MKRN2: variants seen among roughly 807,000 people sequenced by gnomAD.
MKRN2 encodes the protein makorin ring finger protein 2.
In MKRN2, 32 loss-of-function variants were observed where a neutral mutation model predicts 45.4. That is an observed-to-expected ratio of 0.70 (90% CI 0.53 to 0.95). MKRN2 has a LOEUF of 0.95. Ranked by LOEUF, MKRN2 falls within the 40% of genes least tolerant of loss-of-function variation. The pLI is 0.00. For synonymous variants in MKRN2, 206 were observed against 192.4 expected, an observed-to-expected ratio of 1.07 and a Z score of -0.59; for missense variants, 526 against 536.7, an observed-to-expected ratio of 0.98 and a Z score of 0.20.
intron 1 of MKRN2, among the ~76,000 whole-genome samples, chr3:12,562,860 A>C (rs1293561571): frequency 6.6e-6 from 1 of 151,938 alleles, no homozygotes; most frequent in Non-Finnish European, 1.5e-5. Flanking sequence ...AGTTGCAGAA[A>C]AACAAGCTCA....
intron 6 of MKRN2, 38 bp downstream of exon 6, chr3:12,576,779 G>T (rs2058140313): frequency 3.5e-6 from 5 of 1,430,976 alleles, no homozygotes; most frequent in Non-Finnish European, 4.9e-6. Context: ...CCTGCTGCCT[G>T]CCTGGCTCTG....
chr3:12,563,547 T>G (rs2058051898), intron 1 of MKRN2, among the ~76,000 whole-genome samples: 1 of 144,894 alleles, frequency 6.9e-6, no homozygotes, highest in Admixed American at 7.2e-5. Flanking sequence ...TGGAGTGCAG[T>G]GGCACGATCT....
chr3:12,568,993 A>G lies in MKRN2; in HGVS notation c.145A>G (p.Thr49Ala). 2 of 1,613,894 alleles carry G rather than the reference A, an allele frequency of 1.2e-6. No individual in the cohort carries two copies. Among genetic ancestry groups the G allele is most frequent in the Non-Finnish European group, 1.7e-6 (2 of 1,179,964 alleles). ...YYQKGYCAYG[T>A]RCRYDHTRPS... ...CCAGAAGGGCTACTGTGCCTATGGA[A>G]CTCGGTGCAGGCAAGGACTCTGCAA... Residue 49 changes from threonine (T) to alanine (A), a missense_variant, in exon 2 of 8, where the codon ACT becomes GCT. Thr to Ala is a moderately conservative substitution (Grantham distance 58, BLOSUM62 0). Coordinates refer to ENST00000170447, the MANE Select transcript of MKRN2 (RefSeq NM_014160.5).
In MKRN2 at chr3:12,582,293, G is replaced by C; in HGVS notation, c.*40G>C. On this transcript the variant is annotated 3_prime_UTR_variant, in exon 8 of 8. Transcript: ENST00000170447. The stretch of plus-strand genomic sequence containing the variant: ...CCCTGCATCTTGGGCTCCATCGGCC[G>C]AAACTTTCCCAAGCCAGGGTGTGCG... 6.2e-7 allele frequency: 1 copy of C among 1,608,932 alleles called. No individual in the cohort carries two copies. Among genetic ancestry groups the C allele is most frequent in the Non-Finnish European group, 8.5e-7 (1 of 1,175,994 alleles).
Position 12,557,140 on chromosome 3 carries a change from G to C in MKRN2, c.-11G>C, listed in dbSNP as rs373792205. On this transcript the variant is annotated 5_prime_UTR_variant, in exon 1 of 8. Transcript: ENST00000170447. ...GCGGCGGCACGACGACGGTCCCTCA[G>C]CCCAGCCACCATGAGCACCAAGCAG... 88 of 1,520,996 alleles carry C rather than the reference G, an allele frequency of 5.8e-5. No homozygotes were observed. In the African/African-American group the frequency reaches 1.1e-3, roughly 20 times the overall value. The allele number at this position is 1,520,996 out of a possible 1,614,324, so 94.2% of individuals were successfully genotyped here.
rs58402575 is a variant in MKRN2, at chr3:12,580,448, A to AT, written c.969-1360_969-1359insT. ...AGCTTGTTCTCTCTCCCCCCACCCT[A>AT]CCCCCCCGCCACCACCCCCAGTGAG... On this transcript the variant is annotated intron_variant, in intron 6 of 7. Transcript: ENST00000170447. Among the ~76,000 whole-genome samples the AT allele has an allele frequency of 4.3e-3, 247 of 57,178 alleles. 2 individuals carry two copies. The highest frequency in any genetic ancestry group is 0.014 in the African/African-American group (230 of 16,386). 37.5% of individuals were successfully genotyped at this position (57,178 alleles called of 152,430 possible).
chr3:12,560,878 C>T (rs1257669745), intron 1 of MKRN2: 1 of 152,190 alleles, frequency 6.6e-6, no homozygotes, highest in Non-Finnish European at 1.5e-5. Context: ...AAAGGTTGAG[C>T]AGTTGGAAAT....
intron 1 of MKRN2, among the ~76,000 whole-genome samples, chr3:12,566,924 C>T (rs2058071818): frequency 6.6e-6 from 1 of 152,188 alleles, no homozygotes; most frequent in Non-Finnish European, 1.5e-5. Context: ...TTAAATCATC[C>T]ATTTCTCTCC....
intron 5 of MKRN2, among the ~76,000 whole-genome samples, chr3:12,576,231 A>AT (rs1260142123): frequency 9.9e-5 from 10 of 100,862 alleles, no homozygotes; most frequent in Admixed American, 4.8e-4. Flanking sequence ...GTGTGTGTGT[A>AT]TTTTTTTTGC....
At position 12,557,194 on chromosome 3, in the gene MKRN2, A is replaced by G. The variant is rs764594325; in HGVS notation, c.26+18A>G. 825 of 1,534,460 alleles carry G rather than the reference A, an allele frequency of 5.4e-4. 2 individuals carry two copies. Among genetic ancestry groups the G allele is most frequent in the Non-Finnish European group, 6.1e-4 (696 of 1,142,538 alleles). On this transcript the variant is annotated intron_variant, in intron 1 of 7. Transcript: ENST00000170447. Reference sequence around the variant, plus strand: ...ACTTGCAGGTCAGTGCGCTGGAGCCAGGAGCTTCGGGCCGCTCCCCCAGGC... The same window carrying G: ...ACTTGCAGGTCAGTGCGCTGGAGCCGGGAGCTTCGGGCCGCTCCCCCAGGC...
At chr3:12,571,661 T>TAA (rs1199435429) in intron 3 of MKRN2, among the ~76,000 whole-genome samples, 3 of 152,230 alleles carry the variant, frequency 2.0e-5, no homozygotes, top group African/African-American at 7.2e-5. Context: ...CTAGTTCACT[T>TAA]AAAATGATTT....
intron 1 of MKRN2, among the ~76,000 whole-genome samples, chr3:12,558,957 T>TTA (rs2058010344): frequency 6.6e-6 from 1 of 152,206 alleles, no homozygotes; most frequent in Non-Finnish European, 1.5e-5. Flanking sequence ...CTAAGGTCAT[T>TTA]TAGCTTCCAA....
chr3:12,560,738 T>TC (rs946816358), intron 1 of MKRN2: 7 of 152,076 alleles, frequency 4.6e-5, no homozygotes, highest in African/African-American at 1.7e-4. Flanking sequence ...CTTTGGAGTG[T>TC]CCCCCAGAAA....
chr3:12,567,206 C>G (rs887417322), intron 1 of MKRN2, among the ~76,000 whole-genome samples: 5 of 124,422 alleles, frequency 4.0e-5, no homozygotes, highest in African/African-American at 1.8e-4. Context: ...TTGCTATCAG[C>G]TTGTGTTTTT....
At chr3:12,582,068 C>CG (rs2058184444) in intron 7 of MKRN2, 48 bp from the exon 8 acceptor site, 1 of 1,612,412 alleles carries the variant, frequency 6.2e-7, no homozygotes, top group Admixed American at 1.7e-5. Flanking sequence ...CGCAGCCTTC[C>CG]TGTTGCTCTT....
intron 4 of MKRN2, 44 bp from the exon 5 acceptor site, chr3:12,574,748 T>C: frequency 6.5e-7 from 1 of 1,544,990 alleles, no homozygotes; most frequent in Non-Finnish European, 8.9e-7. Context: ...CTGCCACTCC[T>C]CAGTGGCCCA....
At chr3:12,558,053 TG>T (rs537298180) in intron 1 of MKRN2, among the ~76,000 whole-genome samples, 222 of 152,262 alleles carry the variant, frequency 1.5e-3, no homozygotes, top group Non-Finnish European at 2.5e-3. Context: ...ATTGTATGCT[TG>T]GAAAATGCAA....
intron 1 of MKRN2, chr3:12,560,773 G>C (rs2058030659): frequency 6.6e-6 from 1 of 152,308 alleles, no homozygotes; most frequent in Non-Finnish European, 1.5e-5. Context: ...TGAGTCTCCA[G>C]CTATGCACTT....
Position 12,572,355 on chromosome 3 carries a change from G to A in MKRN2, c.624G>A (p.Gln208=). ...TCTTGCACCCATTCGACCCAGAGCAGAGGAAGGCTCATGAAAAGGTAAAGT... is the reference window on the plus strand; with the variant it reads ...TCTTGCACCCATTCGACCCAGAGCAAAGGAAGGCTCATGAAAAGGTAAAGT... The part of the protein sequence containing the change: ...LQVLHPFDPE[Q]RKAHEKICML... Residue 208 remains glutamine (Q), a synonymous_variant, in exon 4 of 8, where the codon CAG becomes CAA. Coordinates refer to ENST00000170447, the MANE Select transcript of MKRN2 (RefSeq NM_014160.5). 1 of 1,575,046 alleles carries A rather than the reference G, an allele frequency of 6.3e-7. No homozygotes were observed. Among genetic ancestry groups the A allele is most frequent in the Non-Finnish European group, 8.6e-7 (1 of 1,157,484 alleles).
Sources: allele counts gnomAD v4.1 joint callset (sites outside exome capture counted in the v4.1 genomes callset), GRCh38; gene constraint gnomAD v4.1.1; transcripts MANE v1.5; gene names NCBI Gene and HGNC (gene_info 2026-07-23, HGNC 2026-07-21).